Variants in SMAD3 observed in about 807,000 individuals in gnomAD.
The protein encoded by SMAD3 is SMAD family member 3, also known as MAD homolog 3.
Under a neutral mutation model 51.8 loss-of-function variants are expected in SMAD3, and 12 were observed. That is an observed-to-expected ratio of 0.23 (90% CI 0.15 to 0.38). The LOEUF is 0.38. SMAD3 is among the 10% of genes least tolerant of loss of function. The pLI, the probability that SMAD3 is intolerant of heterozygous loss-of-function variation, is 1.00. For synonymous variants in SMAD3, 238 were observed against 227.7 expected (o/e 1.05, Z -0.41); for missense variants, 294 against 565.6 (o/e 0.52, Z 4.87).
intron 1 of SMAD3, among the ~76,000 whole-genome samples, chr15:67,154,693 C>T (rs1431450797): frequency 6.6e-6 from 1 of 152,188 alleles, no homozygotes; most frequent in Non-Finnish European, 1.5e-5. Flanking sequence ...CTGTTTGTAA[C>T]TCTTTGATTC....
chr15:67,075,134 T>TA (rs1178049457), intron 1 of SMAD3, among the ~76,000 whole-genome samples: 4 of 152,170 alleles, frequency 2.6e-5, no homozygotes, highest in Non-Finnish European at 5.9e-5. Flanking sequence ...ATTTTTTCCT[T>TA]AAAAAATCAC....
At chr15:67,076,918 G>C (rs1316398760) in intron 1 of SMAD3, among the ~76,000 whole-genome samples, 1 of 152,188 alleles carries the variant, frequency 6.6e-6, no homozygotes, top group Non-Finnish European at 1.5e-5. Flanking sequence ...TGAAGGAATT[G>C]GCTAGAGCTT....
chr15:67,071,314 A>G (rs1435789228), intron 1 of SMAD3, among the ~76,000 whole-genome samples: 1 of 152,176 alleles, frequency 6.6e-6, no homozygotes, highest in Non-Finnish European at 1.5e-5. Context: ...CTTTTACTAA[A>G]CTGAGTGCTG....
chr15:67,123,233 C>T (rs1566975671), intron 1 of SMAD3, among the ~76,000 whole-genome samples: 1 of 150,364 alleles, frequency 6.7e-6, no homozygotes, highest in East Asian at 2.0e-4. Flanking sequence ...CAGTGGCTCA[C>T]ACCTGTAATC....
At chr15:67,163,887 C>T (rs1335241648) in intron 1 of SMAD3, among the ~76,000 whole-genome samples, 4 of 143,512 alleles carry the variant, frequency 2.8e-5, no homozygotes, top group African/African-American at 7.9e-5. Flanking sequence ...TGCAGTGAGC[C>T]GAGATCATGC....
chr15:67,126,415 C>A (rs765282196), intron 1 of SMAD3, among the ~76,000 whole-genome samples: 1 of 152,276 alleles, frequency 6.6e-6, no homozygotes, highest in South Asian at 2.1e-4. Context: ...GTTTCTTGGC[C>A]TCTCCCTAGA....
intron 1 of SMAD3, among the ~76,000 whole-genome samples, chr15:67,080,801 C>A (rs117167636): frequency 6.6e-6 from 1 of 152,230 alleles, no homozygotes; most frequent in African/African-American, 2.4e-5. Context: ...TCCCTGCCAA[C>A]GGAATTCTGC....
intron 1 of SMAD3, among the ~76,000 whole-genome samples, chr15:67,156,910 G>A (rs1308569446): frequency 6.6e-6 from 1 of 152,192 alleles, no homozygotes; most frequent in Non-Finnish European, 1.5e-5. Flanking sequence ...ACATTCCACT[G>A]GCCAATGCAA....
At chr15:67,187,046 C>G in intron 7 of SMAD3, 1 of 524,940 alleles carries the variant, frequency 1.9e-6, no homozygotes, top group South Asian at 1.5e-5. Context: ...CACACCATCT[C>G]CCTATTTTTG....
chr15:67,098,598 A>G, intron 1 of SMAD3: 1 of 452,596 alleles, frequency 2.2e-6, no homozygotes, highest in East Asian at 3.5e-5. Context: ...GAGGCAAACC[A>G]CAGAGTACAT....
intron 5 of SMAD3, among the ~76,000 whole-genome samples, chr15:67,179,082 T>C (rs1324062063): frequency 1.3e-5 from 2 of 152,202 alleles, no homozygotes; most frequent in African/African-American, 4.8e-5. Context: ...GTTATCTCTG[T>C]CTGTCCAGAA....
chr15:67,182,068 T>G (rs1450677395), intron 6 of SMAD3, among the ~76,000 whole-genome samples: 1 of 152,224 alleles, frequency 6.6e-6, no homozygotes, highest in Non-Finnish European at 1.5e-5. Context: ...ATTACAGGCG[T>G]GAGCCACCGT....
intron 1 of SMAD3, among the ~76,000 whole-genome samples, chr15:67,073,902 G>A (rs1960110376): frequency 1.3e-5 from 2 of 152,106 alleles, no homozygotes; most frequent in Admixed American, 1.3e-4. Flanking sequence ...CCAACTCCTG[G>A]CCTCAAGTGA....
chr15:67,153,839 C>T (rs185514685), intron 1 of SMAD3, among the ~76,000 whole-genome samples: 8 of 152,194 alleles, frequency 5.3e-5, no homozygotes, highest in South Asian at 4.1e-4. Flanking sequence ...TTGGTGTCTG[C>T]GTGCTTTACA....
At chr15:67,162,180 G>A (rs1254066518) in intron 1 of SMAD3, among the ~76,000 whole-genome samples, 3 of 152,054 alleles carry the variant, frequency 2.0e-5, no homozygotes, top group Non-Finnish European at 4.4e-5. Flanking sequence ...TCTCTCTTTG[G>A]TTGGTGCTGT....
intron 1 of SMAD3, among the ~76,000 whole-genome samples, chr15:67,090,267 C>T (rs1480849613): frequency 6.6e-6 from 1 of 152,108 alleles, no homozygotes. Context: ...CAGGGAGTCT[C>T]GAGTCCGATT....
intron 8 of SMAD3, among the ~76,000 whole-genome samples, chr15:67,187,841 C>T (rs1963261259): frequency 6.6e-6 from 1 of 152,184 alleles, no homozygotes; most frequent in African/African-American, 2.4e-5. Flanking sequence ...AGTGACTTGC[C>T]TGCAGTCACA....
chr15:67,093,550 T>A (rs986621042), intron 1 of SMAD3, among the ~76,000 whole-genome samples: 1 of 152,202 alleles, frequency 6.6e-6, no homozygotes, highest in African/African-American at 2.4e-5. Context: ...AGCAGCCCTG[T>A]CAAGCGGGGA....
At position 67,191,389 on chromosome 15, in the gene SMAD3, G is replaced by C. The variant is rs913541184; in HGVS notation, c.*853G>C. The C allele has an allele frequency of 3.4e-5, 8 of 233,434 alleles. No individual in the cohort carries two copies. The highest frequency in any genetic ancestry group is 1.8e-4 in the African/African-American group (8 of 45,442). The allele number at this position is 233,434 out of a possible 1,614,324, so 14.5% of individuals were successfully genotyped here. On this transcript the variant is annotated 3_prime_UTR_variant, in exon 9 of 9. Transcript: ENST00000327367. Reference sequence around the variant, plus strand: ...AGGCCCTTGTCGTGGGATGGCATTTGGTCTCAGGCAGCACCACACTGGGTG... The same window carrying C: ...AGGCCCTTGTCGTGGGATGGCATTTCGTCTCAGGCAGCACCACACTGGGTG...
Sources: allele counts gnomAD v4.1 joint callset (sites outside exome capture counted in the v4.1 genomes callset), GRCh38; gene constraint gnomAD v4.1.1; transcripts MANE v1.5; gene names NCBI Gene and HGNC (gene_info 2026-07-23, HGNC 2026-07-21).